Variants in THAP4 observed in about 807,000 individuals in gnomAD.
The protein encoded by THAP4 is peroxynitrite isomerase THAP4.
In THAP4, 18 loss-of-function variants were observed where a neutral mutation model predicts 48.1. The ratio of observed to expected loss-of-function variants is 0.37; its 90% CI spans 0.26 to 0.56. The LOEUF is 0.56. Among genes scored for constraint, THAP4 ranks in the 20% least tolerant of loss-of-function variants. The pLI, the probability that THAP4 is intolerant of heterozygous loss-of-function variation, is 0.78. For synonymous variants in THAP4, 345 were observed against 324.9 expected, an observed-to-expected ratio of 1.06 and a Z score of -0.66; for missense variants, 656 against 774.9, an observed-to-expected ratio of 0.85 and a Z score of 1.82.
At chr2:241,626,105 C>G (rs531690894) in intron 2 of THAP4, among the ~76,000 whole-genome samples, 1 of 152,226 alleles carries the variant, frequency 6.6e-6, no homozygotes, top group East Asian at 1.9e-4. Context: ...GATAACAGCT[C>G]TCAGCAACAG....
At chr2:241,636,809 A>T in intron 1 of THAP4, 132 bp downstream of exon 1, 1 of 364,356 alleles carries the variant, frequency 2.7e-6, no homozygotes, top group Non-Finnish European at 3.8e-6. Flanking sequence ...CACAGCGCCC[A>T]CGCCCGCTCC....
At chr2:241,626,419 C>A (rs2067496208) in intron 2 of THAP4, among the ~76,000 whole-genome samples, 1 of 151,428 alleles carries the variant, frequency 6.6e-6, no homozygotes, top group African/African-American at 2.4e-5. Flanking sequence ...CTAGCCTGGG[C>A]AACAAGAGCG....
At chr2:241,608,435 A>G (rs2067217502) in intron 2 of THAP4, among the ~76,000 whole-genome samples, 1 of 152,234 alleles carries the variant, frequency 6.6e-6, no homozygotes, top group South Asian at 2.1e-4. Flanking sequence ...TTTCCTCCTC[A>G]GACTCCCGGT....
intron 5 of THAP4, among the ~76,000 whole-genome samples, chr2:241,599,781 G>A (rs929103011): frequency 6.6e-6 from 1 of 152,166 alleles, no homozygotes; most frequent in African/African-American, 2.4e-5. Context: ...TCATCTAGAA[G>A]AGGAAATGCT....
intron 2 of THAP4, among the ~76,000 whole-genome samples, chr2:241,618,391 T>C (rs934002261): frequency 6.6e-6 from 1 of 152,216 alleles, no homozygotes; most frequent in Admixed American, 6.5e-5. Flanking sequence ...TGAAGAACTA[T>C]TAGAATCTAC....
intron 2 of THAP4, among the ~76,000 whole-genome samples, chr2:241,614,073 GCGCCCA>G (rs2067309997): frequency 2.0e-5 from 3 of 151,736 alleles, no homozygotes; most frequent in Non-Finnish European, 4.4e-5. Flanking sequence ...AGAATCACTT[GCGCCCA>G]GGAGGTTGAG....
intron 1 of THAP4, among the ~76,000 whole-genome samples, chr2:241,636,322 G>C (rs1322623631): frequency 6.6e-6 from 1 of 152,192 alleles, no homozygotes; most frequent in Non-Finnish European, 1.5e-5. Context: ...CGTGTAATCC[G>C]CAGAAATCTC....
intron 5 of THAP4, among the ~76,000 whole-genome samples, chr2:241,587,138 G>A (rs2066904504): frequency 6.6e-6 from 1 of 152,168 alleles, no homozygotes; most frequent in African/African-American, 2.4e-5. Flanking sequence ...ACCCGGTAAA[G>A]GATTATTTTG....
At chr2:241,632,820 G>T in intron 2 of THAP4, 97 bp downstream of exon 2, 1 of 950,070 alleles carries the variant, frequency 1.1e-6, no homozygotes, top group Non-Finnish European at 1.5e-6. Flanking sequence ...GGGAGCTTGT[G>T]ACACCTCCCA....
At chr2:241,606,286 C>A (rs1326918411) in intron 3 of THAP4, 28 bp downstream of exon 3, 2 of 1,526,716 alleles carry the variant, frequency 1.3e-6, no homozygotes, top group Non-Finnish European at 1.8e-6. Flanking sequence ...ATGAGTCAAG[C>A]AGGGTGGGGT....
At chr2:241,619,780 GGTGA>G (rs1399541204) in intron 2 of THAP4, among the ~76,000 whole-genome samples, 6 of 136,628 alleles carry the variant, frequency 4.4e-5, no homozygotes, top group Admixed American at 1.4e-4. Context: ...TGAGTGAGTC[GGTGA>G]GTGAGGGGTG....
intron 2 of THAP4, 129 bp downstream of exon 2, chr2:241,632,788 A>G (rs2067582172): frequency 1.4e-6 from 1 of 700,958 alleles, no homozygotes; most frequent in Non-Finnish European, 2.3e-6. Context: ...GGTTACGACC[A>G]GAGCTTCCTC....
At chr2:241,609,341 T>C (rs1218941585) in intron 2 of THAP4, among the ~76,000 whole-genome samples, 2 of 152,160 alleles carry the variant, frequency 1.3e-5, no homozygotes, top group Non-Finnish European at 2.9e-5. Flanking sequence ...GAGAAGAACC[T>C]TGGGAGGTGT....
rs952180676 is a variant in THAP4 at position 241,610,195 on chromosome 2, G to A, written c.1241-3722C>T. On this transcript the variant is annotated intron_variant, in intron 2 of 5. Coordinates refer to ENST00000407315, the MANE Select transcript of THAP4 (RefSeq NM_015963.6). This position sits in a 1 kb window ranked among gnomAD's most constrained non-coding sequence, Gnocchi z 4.2. Reference sequence around the variant, plus strand: ...GGCCTTCACACTCCCCACGAGGCAGGACAGCCCCGGGCTAGGGTGAGGGGC... The same window carrying A: ...GGCCTTCACACTCCCCACGAGGCAGAACAGCCCCGGGCTAGGGTGAGGGGC... 1.3e-5 allele frequency among the ~76,000 whole-genome samples: 2 copies of A among 152,204 alleles called. No individual in the cohort carries two copies. Among genetic ancestry groups the A allele is most frequent in the Non-Finnish European group, 2.9e-5 (2 of 68,020 alleles).
Position 241,633,879 on chromosome 2 carries a change from C to T in THAP4, c.278G>A (p.Gly93Glu), listed in dbSNP as rs770948612. Residue 93 changes from glycine to glutamate, a missense_variant, in exon 2 of 6, where the codon GGG becomes GAG. Physicochemically the swap from Gly to Glu is moderately conservative, Grantham distance 98 (BLOSUM62 -2). Around this residue, in one of 4 missense-constraint regions of THAP4, gnomAD observed 391 missense variants for 412.4 expected, o/e 0.95. Transcript: ENST00000407315. This position sits in a 1 kb window ranked among gnomAD's most constrained non-coding sequence, Gnocchi z 7.5. The stretch of plus-strand genomic sequence containing the variant: ...CCGGGTGCGGCCATGGCCTCCAGCC[C>T]CCCTCTTCTTCTCGGTCAGGTGGAA... ...SIFHLTEKKR[G>E]AGGHGRTRRK... is the part of the protein sequence containing the mutation. 5 of 1,613,996 alleles carry T rather than the reference C, an allele frequency of 3.1e-6. No homozygotes were observed. The Admixed American group carries it at 8.3e-5, about 27-fold the overall frequency.
At chr2:241,586,900 G>C (rs987267216) in intron 5 of THAP4, among the ~76,000 whole-genome samples, 6 of 152,170 alleles carry the variant, frequency 3.9e-5, no homozygotes, top group African/African-American at 1.4e-4. Flanking sequence ...CCCAGAAGAA[G>C]ATAGGAAAGA....
chr2:241,608,597 C>T lies in THAP4; in HGVS notation c.1241-2124G>A, dbSNP rs141318838. ...TGAATCCAATGTGTGGCCTCTGGAA[C>T]GAGGCTTGTGATCTATCATAGCTGA... On this transcript the variant is annotated intron_variant, in intron 2 of 5. Transcript: ENST00000407315. Among the ~76,000 whole-genome samples, 76 of 152,316 alleles carry T rather than the reference C, an allele frequency of 5.0e-4. 1 individual carries two copies. Among genetic ancestry groups the T allele is most frequent in the African/African-American group, 1.7e-3 (69 of 41,570 alleles).
intron 1 of THAP4, among the ~76,000 whole-genome samples, 179 bp downstream of exon 1, chr2:241,636,762 G>A (rs1308315128): frequency 6.6e-6 from 1 of 150,492 alleles, no homozygotes; most frequent in African/African-American, 2.4e-5. Context: ...CGCTGCCCGA[G>A]GCGCCCGGCC....
chr2:241,603,124 A>G (rs781319395), intron 3 of THAP4, 45 bp from the exon 4 acceptor site: 30 of 1,516,206 alleles, frequency 2.0e-5, no homozygotes, highest in Non-Finnish European at 2.7e-5. Context: ...CTGGCCTCCA[A>G]GATGGCGTGG....
Sources: allele counts gnomAD v4.1 joint callset (sites outside exome capture counted in the v4.1 genomes callset), GRCh38; gene constraint gnomAD v4.1.1; regional missense constraint gnomAD v4.1.1; non-coding constraint Gnocchi (gnomAD v3.1); transcripts MANE v1.5; gene names NCBI Gene and HGNC (gene_info 2026-07-23, HGNC 2026-07-21).